SAMD5: variants seen among roughly 807,000 people sequenced by gnomAD.
SAMD5 encodes sterile alpha motif domain containing 5.
A neutral mutation model predicts 11.3 loss-of-function variants in SAMD5; 13 were observed. That is an observed-to-expected ratio of 1.15 (90% CI 0.75 to 1.83). The LOEUF (loss-of-function observed/expected upper bound fraction) is 1.83, where lower values mean the gene tolerates loss of function less well. SAMD5 is among the 40% of genes most tolerant of loss of function. The probability of loss-of-function intolerance (pLI) is 0.00; values close to 1 mark genes in which losing one functional copy is unlikely to be tolerated. For missense variants in SAMD5, 255 were observed against 239.1 expected (o/e 1.07, Z -0.44); for synonymous variants, 129 against 111.3 (o/e 1.16, Z -1.00).
At chr6:147,774,315 A>G in the SAMD5 span, among the ~76,000 whole-genome samples, 1 of 152,184 alleles carries the variant, frequency 6.6e-6, no homozygotes, top group Admixed American at 6.5e-5. Flanking sequence ...ACTGAATGAG[A>G]TAATATGGAT....
intron 1 of SAMD5, among the ~76,000 whole-genome samples, chr6:147,720,808 A>C: frequency 2.1e-5 from 3 of 145,934 alleles, no homozygotes; most frequent in Non-Finnish European, 3.0e-5. Flanking sequence ...CTAACTCGTC[A>C]TCTAGCATTA....
At chr6:147,514,306 C>T (rs1477917954) in intron 1 of SAMD5, among the ~76,000 whole-genome samples, 2 of 151,892 alleles carry the variant, frequency 1.3e-5, no homozygotes, top group Non-Finnish European at 2.9e-5. Context: ...CACCAAAGAG[C>T]TCTCATTTCT....
chr6:147,665,884 T>C (rs760173171), intron 1 of SAMD5, among the ~76,000 whole-genome samples: 3 of 152,252 alleles, frequency 2.0e-5, no homozygotes, highest in Admixed American at 2.0e-4. Flanking sequence ...AAGCAAATAC[T>C]ATGAAAAAGT....
chr6:147,719,033 C>T (rs542465259), intron 1 of SAMD5, among the ~76,000 whole-genome samples: 3 of 152,302 alleles, frequency 2.0e-5, no homozygotes, highest in Non-Finnish European at 4.4e-5. Flanking sequence ...GTGGAAACAA[C>T]CAGCCAGATA....
chr6:147,780,240 A>G, the SAMD5 span, among the ~76,000 whole-genome samples: 2 of 151,014 alleles, frequency 1.3e-5, no homozygotes, highest in Admixed American at 6.6e-5. Flanking sequence ...TCGCTCTGTC[A>G]CCTGTCCCCC....
chr6:147,526,896 A>ATCCCAGAATATAT (rs1479956794), intron 1 of SAMD5, among the ~76,000 whole-genome samples: 12 of 152,170 alleles, frequency 7.9e-5, no homozygotes, highest in African/African-American at 2.7e-4. Context: ...CATTCCAGAA[A>ATCCCAGAATATAT]CTGGGACCTG....
chr6:147,636,208 C>A (rs1026507625), intron 1 of SAMD5, among the ~76,000 whole-genome samples: 1 of 152,040 alleles, frequency 6.6e-6, no homozygotes, highest in African/African-American at 2.4e-5. Flanking sequence ...TATCTATGCT[C>A]GGGGAGGTCT....
chr6:147,599,623 G>A (rs564579755), intron 1 of SAMD5, among the ~76,000 whole-genome samples: 2 of 152,156 alleles, frequency 1.3e-5, no homozygotes, highest in South Asian at 2.1e-4. Flanking sequence ...CTCAGCATTC[G>A]ACTTGGATGT....
At chr6:147,835,474 C>T in the SAMD5 span, among the ~76,000 whole-genome samples, 1 of 152,078 alleles carries the variant, frequency 6.6e-6, no homozygotes, top group Non-Finnish European at 1.5e-5. Context: ...TGAATGCAGC[C>T]TCCAGTCATG....
chr6:147,646,624 T>C (rs931286299), intron 1 of SAMD5, among the ~76,000 whole-genome samples: 2 of 152,172 alleles, frequency 1.3e-5, no homozygotes, highest in Non-Finnish European at 2.9e-5. Flanking sequence ...GTTGTATAAA[T>C]ATATGCAGAA....
At chr6:147,638,227 G>A (rs11155516) in intron 1 of SAMD5, among the ~76,000 whole-genome samples, 73,288 of 151,876 alleles carry the variant, frequency 0.48, 19,478 homozygotes, top group South Asian at 0.66. Context: ...ATTGCTTCTC[G>A]ATAAGAAACA....
At chr6:147,872,715 A>G in the SAMD5 span, among the ~76,000 whole-genome samples, 6 of 152,302 alleles carry the variant, frequency 3.9e-5, no homozygotes, top group African/African-American at 4.8e-5. Context: ...GATGGAACAG[A>G]CATGAGGAAA....
the SAMD5 span, among the ~76,000 whole-genome samples, chr6:147,901,573 G>A: frequency 7.2e-5 from 11 of 152,038 alleles, no homozygotes; most frequent in Non-Finnish European, 1.2e-4. Context: ...ACATTTGGAT[G>A]TGGCCATTTC....
chr6:147,696,213 C>T (rs1354415905), intron 1 of SAMD5, among the ~76,000 whole-genome samples: 1 of 152,196 alleles, frequency 6.6e-6, no homozygotes, highest in Non-Finnish European at 1.5e-5. Flanking sequence ...CCCTTCCACC[C>T]TCCAAACTTG....
chr6:147,542,623 C>T (rs1473470778), intron 1 of SAMD5, among the ~76,000 whole-genome samples: 1 of 151,996 alleles, frequency 6.6e-6, no homozygotes, highest in Non-Finnish European at 1.5e-5. Flanking sequence ...GGGTGGGGGC[C>T]GCAAGATCAG....
chr6:147,847,416 T>TA, the SAMD5 span, among the ~76,000 whole-genome samples: 23 of 152,056 alleles, frequency 1.5e-4, no homozygotes, highest in East Asian at 7.7e-4. Context: ...ATAAAAACTT[T>TA]AAAAAAAACC....
At chr6:147,888,658 G>A in the SAMD5 span, among the ~76,000 whole-genome samples, 12 of 152,058 alleles carry the variant, frequency 7.9e-5, no homozygotes, top group Non-Finnish European at 1.3e-4. Flanking sequence ...TGAGGCAGAT[G>A]TATCACCTGA....
chr6:147,921,450 G>A, the SAMD5 span, among the ~76,000 whole-genome samples: 1 of 152,154 alleles, frequency 6.6e-6, no homozygotes, highest in Non-Finnish European at 1.5e-5. Flanking sequence ...AGCTAGTGCA[G>A]CAGTTTTCAC....
At chr6:147,718,646 A>G (rs1342034468) in intron 1 of SAMD5, among the ~76,000 whole-genome samples, 1 of 152,130 alleles carries the variant, frequency 6.6e-6, no homozygotes, top group Admixed American at 6.5e-5. Context: ...TTGGTGCTGG[A>G]CAGTGTGGCC....
Sources: gnomAD v4.1 joint callset for allele counts (sites outside exome capture counted in the v4.1 genomes callset) on GRCh38, gnomAD v4.1.1 for gene constraint, MANE v1.5 for transcripts, NCBI Gene and HGNC (gene_info 2026-07-23, HGNC 2026-07-21) for gene names.